CEP128: variants seen among roughly 807,000 people sequenced by gnomAD.
The protein encoded by CEP128 is centrosomal protein 128kDa.
A neutral mutation model predicts 156.7 loss-of-function variants in CEP128; 132 were observed. That is an observed-to-expected ratio of 0.84 (90% CI 0.73 to 0.97). The LOEUF (loss-of-function observed/expected upper bound fraction) is 0.97, where lower values mean the gene tolerates loss of function less well. Among genes scored for constraint, CEP128 ranks in the 50% least tolerant of loss-of-function variants. The pLI, the probability that CEP128 is intolerant of heterozygous loss-of-function variation, is 0.00. For missense variants in CEP128, 1,252 were observed against 1,281.9 expected, an observed-to-expected ratio of 0.98 and a Z score of 0.36; for synonymous variants, 469 against 448.9, an observed-to-expected ratio of 1.04 and a Z score of -0.57.
chr14:80,956,240 G>T (rs565535685), intron 2 of CEP128, among the ~76,000 whole-genome samples: 1 of 152,262 alleles, frequency 6.6e-6, no homozygotes, highest in South Asian at 2.1e-4. Flanking sequence ...ATAAAAAATT[G>T]CAAAAATATG....
chr14:80,552,669 G>GA lies in CEP128; in HGVS notation c.2880+6609dup, dbSNP rs1442505053. On this transcript the variant is annotated intron_variant, in intron 21 of 24. Transcript: ENST00000555265. The stretch of plus-strand genomic sequence containing the variant: ...AATTAGTGCCTCCCTGATTGCTGAT[G>GA]AAAAATGTCTTCTCACATGTTTCTT... 3.3e-5 allele frequency among the ~76,000 whole-genome samples: 5 copies of GA among 152,252 alleles called. No individual in the cohort carries two copies. The East Asian group carries it at 9.6e-4, about 29-fold the overall frequency.
intron 19 of CEP128, among the ~76,000 whole-genome samples, chr14:80,675,386 T>A (rs1896018794): frequency 6.6e-6 from 1 of 152,036 alleles, no homozygotes; most frequent in African/African-American, 2.4e-5. Context: ...TTAAGAGAAG[T>A]CACAAAAATT....
chr14:80,857,706 A>G (rs1424225780), intron 9 of CEP128, among the ~76,000 whole-genome samples: 1 of 149,818 alleles, frequency 6.7e-6, no homozygotes, highest in Non-Finnish European at 1.5e-5. Context: ...ATGCTGCTGC[A>G]CTCCTGGGCA....
chr14:80,656,245 C>G (rs1479737831), intron 19 of CEP128, among the ~76,000 whole-genome samples: 2 of 120,772 alleles, frequency 1.7e-5, no homozygotes, highest in South Asian at 2.7e-4. Context: ...AGTGAAGGAT[C>G]CTCAAGTATT....
intron 8 of CEP128, among the ~76,000 whole-genome samples, chr14:80,874,478 AAAAG>A (rs967554658): frequency 6.6e-5 from 10 of 152,042 alleles, no homozygotes; most frequent in Non-Finnish European, 1.2e-4. Context: ...TCCAAAAAAA[AAAAG>A]AAAGAAAGGA....
chr14:80,482,367 C>T (rs1887072165), intron 14 of CEP128, among the ~76,000 whole-genome samples: 1 of 152,130 alleles, frequency 6.6e-6, no homozygotes, highest in Non-Finnish European at 1.5e-5. Flanking sequence ...CTTGACTATT[C>T]CAATGCTTGT....
At chr14:80,909,401 A>G (rs560936155) in intron 4 of CEP128, among the ~76,000 whole-genome samples, 34 of 150,604 alleles carry the variant, frequency 2.3e-4, no homozygotes, top group Non-Finnish European at 4.1e-4. Context: ...ACACACACAC[A>G]CACGCAAACT....
At chr14:80,643,461 G>A (rs1894505667) in intron 19 of CEP128, among the ~76,000 whole-genome samples, 2 of 152,120 alleles carry the variant, frequency 1.3e-5, no homozygotes, top group Non-Finnish European at 2.9e-5. Flanking sequence ...GTTCACGCCT[G>A]TAATCCCAAC....
chr14:80,724,806 G>GT (rs1167252713), intron 19 of CEP128, among the ~76,000 whole-genome samples: 2 of 151,564 alleles, frequency 1.3e-5, no homozygotes, highest in Admixed American at 6.6e-5. Flanking sequence ...GAGGCTTAAT[G>GT]TTTTTTTCTT....
At chr14:80,722,563 T>C (rs927043254) in intron 19 of CEP128, among the ~76,000 whole-genome samples, 1 of 151,416 alleles carries the variant, frequency 6.6e-6, no homozygotes. Flanking sequence ...CATGTATCAT[T>C]AATATATTTT....
In CEP128 at chr14:80,769,854, C is replaced by A. The variant is rs376552406; in HGVS notation, c.2376+8028G>T. Reference sequence around the variant, plus strand: ...GAAAAAAAAACTCAATGAAAACAAACCCAGACATTCACTTTATGTTTCCTT... The same window carrying A: ...GAAAAAAAAACTCAATGAAAACAAAACCAGACATTCACTTTATGTTTCCTT... On this transcript the variant is annotated intron_variant, in intron 16 of 24. Coordinates refer to ENST00000555265, the MANE Select transcript of CEP128 (RefSeq NM_152446.5). Among the ~76,000 whole-genome samples the A allele has an allele frequency of 4.6e-5, 7 of 151,820 alleles. No homozygotes were observed. The South Asian group carries it at 1.5e-3, about 32-fold the overall frequency.
chr14:80,803,398 T>C (rs1883991270), intron 13 of CEP128, among the ~76,000 whole-genome samples: 1 of 147,528 alleles, frequency 6.8e-6, no homozygotes, highest in Non-Finnish European at 1.5e-5. Flanking sequence ...ACAAAAGAAG[T>C]TAATTTAACA....
intron 2 of CEP128, among the ~76,000 whole-genome samples, chr14:80,948,354 T>TTTTCAGCCACACAC (rs1397901650): frequency 1.3e-5 from 2 of 152,234 alleles, no homozygotes; most frequent in Admixed American, 1.3e-4. Flanking sequence ...CATGAAGTTC[T>TTTTCAGCCACACAC]TTTCAGCCAC....
intron 18 of CEP128, among the ~76,000 whole-genome samples, chr14:80,755,929 A>G (rs181710790): frequency 3.2e-4 from 49 of 152,328 alleles, no homozygotes; most frequent in African/African-American, 1.0e-3. Context: ...TGATAAGGGA[A>G]AACTGCTCAC....
chr14:80,563,083 C>T (rs1293024832), intron 20 of CEP128, among the ~76,000 whole-genome samples: 1 of 152,112 alleles, frequency 6.6e-6, no homozygotes. Flanking sequence ...TCCCAGTTTA[C>T]CCAGAGCTGC....
At position 80,801,910 on chromosome 14, in the gene CEP128, C is replaced by CAAAAAAAAA. The variant is rs71103882; in HGVS notation, c.1210-8809_1210-8801dup. On this transcript the variant is annotated intron_variant, in intron 13 of 24. Coordinates refer to ENST00000555265, the MANE Select transcript of CEP128 (RefSeq NM_152446.5). ...GTGACAGTGTGAGACTCTGTCTCCC[C>CAAAAAAAAA]AAAAAAAAAAAAAAAAAAAAAAAAA... Among the ~76,000 whole-genome samples, 150 of 43,386 alleles carry CAAAAAAAAA rather than the reference C, an allele frequency of 3.5e-3. 67 individuals carry two copies. Among genetic ancestry groups the CAAAAAAAAA allele is most frequent in the African/African-American group, 0.011 (93 of 8,786 alleles). The allele number at this position is 43,386 out of a possible 152,430, so 28.5% of individuals were successfully genotyped here.
intron 14 of CEP128, among the ~76,000 whole-genome samples, chr14:80,481,701 A>G (rs1209839679): frequency 6.6e-6 from 1 of 152,222 alleles, no homozygotes; most frequent in Non-Finnish European, 1.5e-5. Context: ...TCACATGGCA[A>G]ACAGTGACAG....
intron 21 of CEP128, among the ~76,000 whole-genome samples, chr14:80,547,894 G>T (rs1433434708): frequency 6.6e-6 from 1 of 151,718 alleles, no homozygotes; most frequent in Non-Finnish European, 1.5e-5. Context: ...CGCCTCTCGG[G>T]TTCAAGCAAT....
rs78421873 is a variant in CEP128 at position 80,894,046 on chromosome 14, A to G, written c.645+1672T>C. Among the ~76,000 whole-genome samples the G allele has an allele frequency of 2.7e-3, 417 of 152,160 alleles. 5 individuals are homozygous for G. Among genetic ancestry groups the G allele is most frequent in the African/African-American group, 9.6e-3 (401 of 41,576 alleles). ...ACATCTAAATGTGAAAGGTAGAACC[A>G]TAAGCTTCTAAATGATTACATAAGA... is the stretch of plus-strand genomic sequence containing the variant. On this transcript the variant is annotated intron_variant, in intron 8 of 24. Transcript: ENST00000555265.
Sources: gnomAD v4.1 joint callset for allele counts (sites outside exome capture counted in the v4.1 genomes callset) on GRCh38, gnomAD v4.1.1 for gene constraint, MANE v1.5 for transcripts, NCBI Gene and HGNC (gene_info 2026-07-23, HGNC 2026-07-21) for gene names.